The following C5orf34 variants were observed in gnomAD, a reference collection of about 807,000 sequenced individuals.
C5orf34 encodes chromosome 5 open reading frame 34, also known as uncharacterized protein C5orf34.
A neutral mutation model predicts 78.4 loss-of-function variants in C5orf34; 73 were observed. That is an observed-to-expected ratio of 0.93 (90% CI 0.77 to 1.13). C5orf34 has a LOEUF of 1.13. Among genes scored for constraint, C5orf34 ranks in the 50% most tolerant of loss-of-function variants. C5orf34 has a pLI of 0.00. For synonymous variants in C5orf34, 251 were observed against 246.6 expected (o/e 1.02, Z -0.17); for missense variants, 730 against 732.7 (o/e 1.00, Z 0.04).
intron 6 of C5orf34, 72 bp downstream of exon 6, chr5:43,502,300 T>C (rs1579870165): frequency 1.3e-6 from 2 of 1,492,840 alleles, no homozygotes; most frequent in South Asian, 1.2e-5. Context: ...AAATTTCCCA[T>C]ATATATTTGG....
chr5:43,502,879 C>T (rs756095974), intron 5 of C5orf34, among the ~76,000 whole-genome samples: 3 of 152,088 alleles, frequency 2.0e-5, no homozygotes, highest in African/African-American at 7.2e-5. Flanking sequence ...ATGAAACTAG[C>T]GGAATCAATA....
chr5:43,487,933 G>T lies in C5orf34; in HGVS notation c.1696C>A (p.Leu566Ile). ...CAGTTAAACTTCTGTATCTTTTCAA[G>T]TTCAGAAGCAACAGACCTGTCCAAG... The part of the protein sequence containing the change: ...LQENWSVASE[L>I]EKIQKFNLLL... Residue 566 changes from leucine to isoleucine, a missense_variant, in exon 12 of 13, where the codon CTT becomes ATT. Transcript: ENST00000306862. 6.2e-7 allele frequency: 1 copy of T among 1,605,390 alleles called. No individual in the cohort carries two copies. The highest frequency in any genetic ancestry group is 8.5e-7 in the Non-Finnish European group (1 of 1,174,456).
intron 6 of C5orf34, chr5:43,495,098 G>C: frequency 6.5e-7 from 1 of 1,537,504 alleles, no homozygotes; most frequent in Admixed American, 1.7e-5. Flanking sequence ...AGCTGTCTGG[G>C]CAGACTTCGT....
chr5:43,488,561 T>A (rs2112261241), intron 11 of C5orf34: 1 of 152,256 alleles, frequency 6.6e-6, no homozygotes, highest in African/African-American at 2.4e-5. Context: ...GAATTACGTG[T>A]CAAAACAACT....
At chr5:43,514,586 C>G (rs137968377) in intron 1 of C5orf34, among the ~76,000 whole-genome samples, 1 of 152,116 alleles carries the variant, frequency 6.6e-6, no homozygotes, top group Admixed American at 6.5e-5. Context: ...CCATAGGAAA[C>G]CATAACCCGG....
intron 6 of C5orf34, among the ~76,000 whole-genome samples, chr5:43,502,018 T>TG (rs1370853392): frequency 6.6e-6 from 1 of 152,124 alleles, no homozygotes; most frequent in Non-Finnish European, 1.5e-5. Context: ...AATTACATGG[T>TG]GGGGAAAAAA....
chr5:43,508,664 C>T lies in C5orf34; in HGVS notation c.198G>A (p.Glu66=). ...RTHFVISTYR[E]QLQRALDFRN... ...GAAAATCTAGGGCTCGCTGTAGTTG[C>T]TCCTATGAAAAGAAATATAAAATGT... is the stretch of plus-strand genomic sequence containing the variant. The change falls in exon 3 of 13, where the codon GAG becomes GAA. Residue 66 remains glutamate, a splice_region_variant and synonymous_variant. Transcript: ENST00000306862. 6.3e-7 allele frequency: 1 copy of T among 1,575,078 alleles called. No individual in the cohort carries two copies. Among genetic ancestry groups the T allele is most frequent in the South Asian group, 1.1e-5 (1 of 88,500 alleles).
intron 1 of C5orf34, among the ~76,000 whole-genome samples, chr5:43,512,297 T>G (rs377070642): frequency 8.5e-5 from 13 of 152,298 alleles, no homozygotes; most frequent in African/African-American, 3.1e-4. Flanking sequence ...ATGATCAAGT[T>G]TTACCTGCCA....
intron 3 of C5orf34, among the ~76,000 whole-genome samples, chr5:43,507,187 A>G (rs1746018148): frequency 6.6e-6 from 1 of 152,254 alleles, no homozygotes; most frequent in Admixed American, 6.5e-5. Flanking sequence ...TAAAAGACTC[A>G]TAACAAGTAA....
At position 43,509,370 on chromosome 5, in the gene C5orf34, C is replaced by A. The variant is rs752600108; in HGVS notation, c.-31G>T. ...CGGCAGGATAAGATATCTTCTAAGT[C>A]AAAGACTGAATGAAATAGGAAAAAC... On this transcript the variant is annotated 5_prime_UTR_variant, in exon 2 of 13. Coordinates refer to ENST00000306862, the MANE Select transcript of C5orf34 (RefSeq NM_198566.4). 3 of 1,529,356 alleles carry A rather than the reference C, an allele frequency of 2.0e-6. No homozygotes were observed. In the South Asian group the frequency reaches 3.7e-5, roughly 19 times the overall value. 94.7% of individuals were successfully genotyped at this position (1,529,356 alleles called of 1,614,324 possible).
intron 7 of C5orf34, among the ~76,000 whole-genome samples, chr5:43,494,254 TA>T (rs1745407135): frequency 2.7e-5 from 4 of 148,468 alleles, no homozygotes; most frequent in African/African-American, 1.0e-4. Flanking sequence ...AAAGGGCACT[TA>T]CTTCCTCTCA....
intron 1 of C5orf34, among the ~76,000 whole-genome samples, chr5:43,511,860 T>G (rs1746274682): frequency 6.6e-6 from 1 of 152,048 alleles, no homozygotes; most frequent in African/African-American, 2.4e-5. Context: ...CACCACTCCC[T>G]AATCTCAAGT....
chr5:43,501,423 C>T (rs183452384), intron 6 of C5orf34, among the ~76,000 whole-genome samples: 1 of 152,200 alleles, frequency 6.6e-6, no homozygotes, highest in Non-Finnish European at 1.5e-5. Context: ...AGAATGCCTG[C>T]CAAAGAGTTA....
intron 6 of C5orf34, among the ~76,000 whole-genome samples, chr5:43,497,177 C>G (rs1745568943): frequency 6.6e-6 from 1 of 152,064 alleles, no homozygotes; most frequent in South Asian, 2.1e-4. Flanking sequence ...GTTTCCTCCT[C>G]CTCAGACTTG....
Position 43,505,794 on chromosome 5 carries a change from G to C in C5orf34, c.886C>G (p.Leu296Val). 1 of 1,605,410 alleles carries C rather than the reference G, an allele frequency of 6.2e-7. No individual in the cohort carries two copies. Among genetic ancestry groups the C allele is most frequent in the Non-Finnish European group, 8.5e-7 (1 of 1,175,258 alleles). ...CAGCTGAGTGACAGGGCCCTGGGAA[G>C]AACAGAAACCACTTTTCCTCTTTCC... ...SEERGKVVSV[L>V]PRALSLSCPV... Residue 296 changes from leucine to valine, a missense_variant, in exon 4 of 13, where the codon CTT becomes GTT. Physicochemically the swap from Leu to Val is conservative, Grantham distance 32. Coordinates refer to ENST00000306862, the MANE Select transcript of C5orf34 (RefSeq NM_198566.4).
intron 6 of C5orf34, 66 bp downstream of exon 6, chr5:43,502,306 T>G: frequency 6.5e-7 from 1 of 1,537,522 alleles, no homozygotes; most frequent in Non-Finnish European, 8.9e-7. Context: ...CCCATATATA[T>G]TTGGAATTAT....
chr5:43,489,268 A>C (rs1745179478), intron 11 of C5orf34, among the ~76,000 whole-genome samples: 2 of 152,102 alleles, frequency 1.3e-5, no homozygotes, highest in Non-Finnish European at 2.9e-5. Context: ...AAATACTAGA[A>C]TACAACTTAG....
chr5:43,509,286 T>C lies in C5orf34; in HGVS notation c.54A>G (p.Gln18=). 4 of 1,613,988 alleles carry C rather than the reference T, an allele frequency of 2.5e-6. No homozygotes were observed. The highest frequency in any genetic ancestry group is 3.4e-6 in the Non-Finnish European group (4 of 1,179,968). The change falls in exon 2 of 13, where the codon CAA becomes CAG. Residue 18 remains glutamine, a synonymous_variant. Coordinates refer to ENST00000306862, the MANE Select transcript of C5orf34 (RefSeq NM_198566.4). ...GTTGCAATGTGGAACCATCAACATA[T>C]TGTACTTGTACTGAATCATCTTCAT... ...ILYEDDSVQV[Q]YVDGSTLQLS... is the part of the protein sequence containing the mutation.
rs770917862 is a variant in C5orf34, at chr5:43,494,870, ATAACT to A, written c.1153-274_1153-270del. Among the ~76,000 whole-genome samples the A allele has an allele frequency of 4.6e-5, 7 of 152,300 alleles. No homozygotes were observed. The East Asian group carries it at 7.7e-4, about 17-fold the overall frequency. ...TAAAAAGTACTGATTTTAAAAACTAATAACTTAAAACTACCACATGCAAAAAAGAA... is the reference window on the plus strand; with the variant it reads ...TAAAAAGTACTGATTTTAAAAACTAATAAAACTACCACATGCAAAAAAGAA... On this transcript the variant is annotated intron_variant, in intron 6 of 12. Transcript: ENST00000306862.
Sources: allele counts gnomAD v4.1 joint callset (sites outside exome capture counted in the v4.1 genomes callset), GRCh38; gene constraint gnomAD v4.1.1; transcripts MANE v1.5; gene names NCBI Gene and HGNC (gene_info 2026-07-23, HGNC 2026-07-21).